Variants in UNC5D observed in about 807,000 individuals in gnomAD.
UNC5D encodes the protein unc-5 netrin receptor D.
UNC5D carries 39 observed loss-of-function variants against 105.4 expected under a neutral mutation model. The ratio of observed to expected loss-of-function variants is 0.37; its 90% CI spans 0.29 to 0.48. The LOEUF is 0.48. UNC5D is among the 20% of genes least tolerant of loss of function. The pLI, the probability that UNC5D is intolerant of heterozygous loss-of-function variation, is 0.98. For synonymous variants in UNC5D, 452 were observed against 450.4 expected (o/e 1.00, Z -0.04); for missense variants, 991 against 1,202.4 (o/e 0.82, Z 2.60).
chr8:35,501,537 A>G (rs1455849705), intron 1 of UNC5D, among the ~76,000 whole-genome samples: 1 of 152,214 alleles, frequency 6.6e-6, no homozygotes, highest in East Asian at 1.9e-4. Flanking sequence ...TTAGCTGAAG[A>G]TGTCTCAGCT....
intron 4 of UNC5D, among the ~76,000 whole-genome samples, chr8:35,670,823 C>CTA (rs1205673752): frequency 6.6e-6 from 1 of 152,034 alleles, no homozygotes; most frequent in African/African-American, 2.4e-5. Context: ...ACATGTATAC[C>CTA]TATGTGACAA....
Position 35,362,930 on chromosome 8 carries a change from C to G in UNC5D, c.103+127043C>G, listed in dbSNP as rs1012758213. Among the ~76,000 whole-genome samples, 12 of 152,004 alleles carry G rather than the reference C, an allele frequency of 7.9e-5. 1 individual carries two copies. On this transcript the variant is annotated intron_variant, in intron 1 of 16. Coordinates refer to ENST00000404895, the MANE Select transcript of UNC5D (RefSeq NM_080872.4). ...GACCAGCCAGCCTTAGTTTACCAAC[C>G]CATAAATCCACAAATCGTATTTCTA...
chr8:35,432,457 A>G (rs1398111127), intron 1 of UNC5D, among the ~76,000 whole-genome samples: 2 of 152,164 alleles, frequency 1.3e-5, no homozygotes, highest in African/African-American at 4.8e-5. Flanking sequence ...GGTGCTGTCC[A>G]GGGTGCTGAA....
At chr8:35,728,702 T>C (rs1171890618) in intron 10 of UNC5D, among the ~76,000 whole-genome samples, 1 of 152,200 alleles carries the variant, frequency 6.6e-6, no homozygotes, top group Non-Finnish European at 1.5e-5. Context: ...TCCTAAATTA[T>C]TGTATGGTGC....
intron 1 of UNC5D, among the ~76,000 whole-genome samples, chr8:35,524,640 C>CAAAAAAAAAAAAAAAAAAAAAAAAA (rs113548648): frequency 5.6e-5 from 4 of 71,082 alleles, no homozygotes; most frequent in Non-Finnish European, 8.7e-5. Flanking sequence ...ATGCCCTGTG[C>CAAAAAAAAAAAAAAAAAAAAAAAAA]AAAAAAAAAA....
intron 8 of UNC5D, among the ~76,000 whole-genome samples, chr8:35,717,022 C>T (rs1365689559): frequency 2.6e-5 from 4 of 152,212 alleles, no homozygotes; most frequent in African/African-American, 9.7e-5. Flanking sequence ...ATTCCATCTC[C>T]ATGGCTGGTT....
At chr8:35,589,043 CA>C (rs796752210) in intron 3 of UNC5D, among the ~76,000 whole-genome samples, 191 of 132,382 alleles carry the variant, frequency 1.4e-3, no homozygotes, top group Middle Eastern at 3.8e-3. Flanking sequence ...GACTTCATCT[CA>C]AAAAAAAAAA....
At chr8:35,280,897 C>G (rs1806103245) in intron 1 of UNC5D, among the ~76,000 whole-genome samples, 1 of 152,164 alleles carries the variant, frequency 6.6e-6, no homozygotes, top group African/African-American at 2.4e-5. Context: ...CCCAAATTTT[C>G]TCAGTCTTTC....
At position 35,651,212 on chromosome 8, in the gene UNC5D, G is replaced by A. The variant is rs77389153; in HGVS notation, c.571-32335G>A. ...GACATGTTCCTTGAAAGCAGTATAT[G>A]TGAATACGGCAGAAATTCCCTGGGG... is the stretch of plus-strand genomic sequence containing the variant. On this transcript the variant is annotated intron_variant, in intron 4 of 16. Transcript: ENST00000404895. 2.1e-3 allele frequency among the ~76,000 whole-genome samples: 315 copies of A among 152,322 alleles called. 11 individuals carry two copies. In the East Asian group the frequency reaches 0.055, roughly 27 times the overall value.
At chr8:35,366,253 T>C (rs1802119798) in intron 1 of UNC5D, among the ~76,000 whole-genome samples, 1 of 152,134 alleles carries the variant, frequency 6.6e-6, no homozygotes, top group Admixed American at 6.6e-5. Context: ...TGTTTTTCCT[T>C]GTTCCTTACC....
At chr8:35,540,129 T>A (rs1328817827) in intron 1 of UNC5D, among the ~76,000 whole-genome samples, 1 of 152,134 alleles carries the variant, frequency 6.6e-6, no homozygotes, top group Non-Finnish European at 1.5e-5. Flanking sequence ...CAAATCCCAC[T>A]AGGTTTTCAG....
intron 1 of UNC5D, among the ~76,000 whole-genome samples, chr8:35,335,236 T>C (rs1164503056): frequency 6.6e-6 from 1 of 152,200 alleles, no homozygotes; most frequent in Non-Finnish European, 1.5e-5. Flanking sequence ...AATAAAACTA[T>C]GATTCTTCAT....
intron 1 of UNC5D, among the ~76,000 whole-genome samples, chr8:35,490,124 G>A (rs2130092788): frequency 6.6e-6 from 1 of 152,204 alleles, no homozygotes; most frequent in East Asian, 1.9e-4. Context: ...TTTGTAACCA[G>A]GGATTTCCTT....
chr8:35,358,618 A>G (rs1397629411), intron 1 of UNC5D, among the ~76,000 whole-genome samples: 2 of 152,162 alleles, frequency 1.3e-5, no homozygotes, highest in African/African-American at 2.4e-5. Flanking sequence ...ACAAATCTAC[A>G]TATCCTGCAC....
intron 1 of UNC5D, among the ~76,000 whole-genome samples, chr8:35,242,820 T>C (rs190842378): frequency 8.5e-5 from 13 of 152,286 alleles, no homozygotes; most frequent in African/African-American, 2.2e-4. Context: ...TTGGAGAAGA[T>C]TTGCCTCTAA....
intron 1 of UNC5D, among the ~76,000 whole-genome samples, chr8:35,471,403 A>G (rs531799034): frequency 2.7e-4 from 41 of 152,316 alleles, no homozygotes; most frequent in African/African-American, 9.4e-4. Flanking sequence ...GCATGAAGCT[A>G]GCAATACTTT....
intron 1 of UNC5D, among the ~76,000 whole-genome samples, chr8:35,545,032 C>G (rs1224018394): frequency 6.6e-6 from 1 of 152,172 alleles, no homozygotes; most frequent in Non-Finnish European, 1.5e-5. Context: ...ATTTTTCCAG[C>G]CTCTGCTGTG....
intron 3 of UNC5D, among the ~76,000 whole-genome samples, chr8:35,587,889 A>G (rs1818888689): frequency 6.7e-6 from 1 of 149,814 alleles, no homozygotes; most frequent in East Asian, 2.0e-4. Context: ...GATAATTAAT[A>G]TACCAAATTT....
At chr8:35,624,778 T>C (rs1416359383) in intron 4 of UNC5D, among the ~76,000 whole-genome samples, 6 of 152,192 alleles carry the variant, frequency 3.9e-5, no homozygotes, top group African/African-American at 1.4e-4. Context: ...CGGGGGCGTC[T>C]TACAACCATC....
Sources: allele counts gnomAD v4.1 joint callset (sites outside exome capture counted in the v4.1 genomes callset), GRCh38; gene constraint gnomAD v4.1.1; transcripts MANE v1.5; gene names NCBI Gene and HGNC (gene_info 2026-07-23, HGNC 2026-07-21).